PAPPA2: variants seen among roughly 807,000 people sequenced by gnomAD.
The protein encoded by PAPPA2 is pappalysin 2.
PAPPA2 carries 86 observed loss-of-function variants against 176.4 expected under a neutral mutation model. That is an observed-to-expected ratio of 0.49 (90% CI 0.41 to 0.58). The LOEUF is 0.58. PAPPA2 is among the 20% of genes least tolerant of loss of function. The pLI, the probability that PAPPA2 is intolerant of heterozygous loss-of-function variation, is 0.00. For missense variants in PAPPA2, 2,073 were observed against 2,256.9 expected, an observed-to-expected ratio of 0.92 and a Z score of 1.65; for synonymous variants, 809 against 852.2, an observed-to-expected ratio of 0.95 and a Z score of 0.88.
intron 14 of PAPPA2, among the ~76,000 whole-genome samples, chr1:176,747,826 AC>A (rs1017344203): frequency 6.6e-6 from 1 of 152,192 alleles, no homozygotes; most frequent in Non-Finnish European, 1.5e-5. Context: ...GGGAAGGTCC[AC>A]TTCCAAGTTC....
chr1:176,696,538 C>A (rs998011209), intron 7 of PAPPA2, among the ~76,000 whole-genome samples: 5 of 152,136 alleles, frequency 3.3e-5, no homozygotes, highest in Admixed American at 2.6e-4. Flanking sequence ...CAAACAGTCA[C>A]ACATTCACTC....
chr1:176,616,429 C>T (rs1183783113), intron 3 of PAPPA2: 2 of 643,666 alleles, frequency 3.1e-6, no homozygotes, highest in Middle Eastern at 4.6e-4. Flanking sequence ...ATTCCACCTT[C>T]AACTGATGCT....
At chr1:176,670,077 G>T (rs113327293) in intron 3 of PAPPA2, among the ~76,000 whole-genome samples, 2 of 152,160 alleles carry the variant, frequency 1.3e-5, no homozygotes, top group East Asian at 3.9e-4. Context: ...TTGAGCTCTG[G>T]TTTGGTTGTT....
chr1:176,577,731 A>G (rs1250267870), intron 2 of PAPPA2, among the ~76,000 whole-genome samples: 2 of 151,988 alleles, frequency 1.3e-5, no homozygotes, highest in Non-Finnish European at 2.9e-5. Flanking sequence ...GTGTTGGATA[A>G]GTAGTTCTGC....
At chr1:176,673,771 A>G (rs1659143819) in intron 4 of PAPPA2, among the ~76,000 whole-genome samples, 1 of 152,166 alleles carries the variant, frequency 6.6e-6, no homozygotes, top group Non-Finnish European at 1.5e-5. Flanking sequence ...GAGGAGTCCA[A>G]TCCCTGAAAG....
intron 1 of PAPPA2, among the ~76,000 whole-genome samples, chr1:176,515,788 G>C (rs755062088): frequency 5.9e-5 from 9 of 151,872 alleles, no homozygotes; most frequent in Non-Finnish European, 2.9e-5. Flanking sequence ...CTTCTTTCTA[G>C]AGAAATGTTC....
chr1:176,620,835 A>C (rs1349782174), intron 3 of PAPPA2, among the ~76,000 whole-genome samples: 2 of 152,144 alleles, frequency 1.3e-5, no homozygotes, highest in Non-Finnish European at 2.9e-5. Context: ...AGTAATTCAA[A>C]ATTTATGTAT....
intron 12 of PAPPA2, among the ~76,000 whole-genome samples, chr1:176,738,880 C>T (rs1366060380): frequency 6.6e-6 from 1 of 151,860 alleles, no homozygotes; most frequent in Admixed American, 6.6e-5. Flanking sequence ...AAGGAAAACA[C>T]TTCCATAGTT....
At chr1:176,692,040 T>C in intron 5 of PAPPA2, 86 bp from the exon 6 acceptor site, 2 of 1,323,206 alleles carry the variant, frequency 1.5e-6, no homozygotes, top group Non-Finnish European at 2.1e-6. Context: ...AACTCAGCCA[T>C]GAACAAGACA....
intron 3 of PAPPA2, among the ~76,000 whole-genome samples, chr1:176,651,507 C>T (rs763425475): frequency 2.6e-5 from 4 of 151,588 alleles, no homozygotes; most frequent in Admixed American, 6.6e-5. Flanking sequence ...CAAATTTGAA[C>T]TTCTTTTATG....
At chr1:176,742,972 T>C (rs1447723354) in intron 14 of PAPPA2, among the ~76,000 whole-genome samples, 1 of 152,124 alleles carries the variant, frequency 6.6e-6, no homozygotes, top group Non-Finnish European at 1.5e-5. Context: ...ACCAACCTGA[T>C]TGGCCCACAG....
rs111477465 is a variant in PAPPA2, at chr1:176,479,409, C to T, written c.-917+15991C>T. Among the ~76,000 whole-genome samples the T allele has an allele frequency of 5.9e-3, 893 of 152,194 alleles. 11 individuals carry two copies. Among genetic ancestry groups the T allele is most frequent in the African/African-American group, 0.02 (851 of 41,528 alleles). ...AGTGGTGATTCTTCTTTGGCCTTCA[C>T]AGCATCACAGCAGTGAAGAAAATTG... On this transcript the variant is annotated intron_variant, in intron 1 of 22. Transcript: ENST00000367662.
intron 21 of PAPPA2, among the ~76,000 whole-genome samples, chr1:176,836,257 C>T (rs978684358): frequency 5.9e-5 from 9 of 151,934 alleles, no homozygotes; most frequent in South Asian, 2.1e-4. Flanking sequence ...TTTATGAAAA[C>T]GATGTGGAAA....
At position 176,557,188 on chromosome 1, in the gene PAPPA2, T is replaced by C; in HGVS notation, c.866T>C (p.Val289Ala). 6.2e-7 allele frequency: 1 copy of C among 1,612,298 alleles called. No individual in the cohort carries two copies. The highest frequency in any genetic ancestry group is 8.5e-7 in the Non-Finnish European group (1 of 1,179,350). The change falls in exon 2 of 23, where the codon GTG becomes GCG. Residue 289 changes from valine (V) to alanine (A), a missense_variant. Coordinates refer to ENST00000367662, the MANE Select transcript of PAPPA2 (RefSeq NM_020318.3). ...GAGATTCCCCGGGAGGCGTTCACAGTGGAAGCCTGGGTTAAACCGGAGGGA... is the reference window on the plus strand; with the variant it reads ...GAGATTCCCCGGGAGGCGTTCACAGCGGAAGCCTGGGTTAAACCGGAGGGA... ...LAEIPREAFT[V>A]EAWVKPEGGQ...
At chr1:176,662,317 C>T (rs1658402387) in intron 3 of PAPPA2, among the ~76,000 whole-genome samples, 1 of 152,112 alleles carries the variant, frequency 6.6e-6, no homozygotes, top group Non-Finnish European at 1.5e-5. Flanking sequence ...ATCTGGCATA[C>T]AGTCAGGACT....
rs118092412 is a variant in PAPPA2 at position 176,781,576 on chromosome 1, T to C, written c.4716-8233T>C. 2.0e-5 allele frequency among the ~76,000 whole-genome samples: 3 copies of C among 152,028 alleles called. No homozygotes were observed. In the East Asian group the frequency reaches 5.8e-4, roughly 29 times the overall value. ...AAGTCTGCTTGCTCCCTATTTAGGA[T>C]ATTGGCTTGGGAAACCAGGCCTGCA... On this transcript the variant is annotated intron_variant, in intron 17 of 22. Transcript: ENST00000367662.
At chr1:176,597,228 G>T (rs1049840966) in intron 3 of PAPPA2, among the ~76,000 whole-genome samples, 2 of 152,188 alleles carry the variant, frequency 1.3e-5, no homozygotes, top group Admixed American at 6.5e-5. Context: ...CGGAAACTCA[G>T]AAGTCTTGTC....
intron 21 of PAPPA2, among the ~76,000 whole-genome samples, chr1:176,820,773 A>G (rs1196028640): frequency 6.6e-6 from 1 of 151,930 alleles, no homozygotes; most frequent in East Asian, 1.9e-4. Flanking sequence ...TTGTTATTGC[A>G]AACATTAGAG....
intron 21 of PAPPA2, among the ~76,000 whole-genome samples, chr1:176,839,468 C>T (rs1197445425): frequency 6.6e-6 from 1 of 152,132 alleles, no homozygotes; most frequent in African/African-American, 2.4e-5. Flanking sequence ...TTTCTCTGCT[C>T]TAACCCTGTA....
Sources: allele counts gnomAD v4.1 joint callset (sites outside exome capture counted in the v4.1 genomes callset), GRCh38; gene constraint gnomAD v4.1.1; transcripts MANE v1.5; gene names NCBI Gene and HGNC (gene_info 2026-07-23, HGNC 2026-07-21).